The following RIT1 variants were observed in gnomAD, a reference collection of about 807,000 sequenced individuals.
RIT1 encodes GTP-binding protein Rit1.
RIT1 carries 6 observed loss-of-function variants against 25.6 expected under a neutral mutation model. That is an observed-to-expected ratio of 0.23 (90% CI 0.13 to 0.46). The LOEUF (loss-of-function observed/expected upper bound fraction) is 0.46. Ranked by LOEUF, RIT1 falls within the 20% of genes least tolerant of loss-of-function variation. RIT1 has a pLI of 0.99. For synonymous variants in RIT1, 81 were observed against 94.1 expected, an observed-to-expected ratio of 0.86 and a Z score of 0.80; for missense variants, 219 against 284.4, an observed-to-expected ratio of 0.77 and a Z score of 1.65.
At chr1:155,902,361 CAAAA>C (rs199556134) in intron 5 of RIT1, among the ~76,000 whole-genome samples, 1 of 137,862 alleles carries the variant, frequency 7.3e-6, no homozygotes, top group African/African-American at 2.7e-5. Context: ...GCTTTTATAT[CAAAA>C]AAAAAAAAAA....
chr1:155,908,405 A>G (rs1673500394), intron 3 of RIT1, among the ~76,000 whole-genome samples: 1 of 151,788 alleles, frequency 6.6e-6, no homozygotes, highest in African/African-American at 2.4e-5. Flanking sequence ...CAGTGAGCCA[A>G]GACGGCGCCA....
intron 3 of RIT1, among the ~76,000 whole-genome samples, chr1:155,909,356 C>A (rs1673531243): frequency 6.7e-6 from 1 of 149,400 alleles, no homozygotes; most frequent in Non-Finnish European, 1.5e-5. Context: ...CCAGCCCGGG[C>A]AACAGGGTGA....
At chr1:155,906,004 T>A (rs1165447719) in intron 3 of RIT1, among the ~76,000 whole-genome samples, 3 of 152,118 alleles carry the variant, frequency 2.0e-5, no homozygotes, top group African/African-American at 4.8e-5. Flanking sequence ...AATTTTTGTA[T>A]TTTTAGTATA....
rs112505242 is a variant in RIT1, at chr1:155,906,697, T to C, written c.164-1893A>G. Among the ~76,000 whole-genome samples, 1,104 of 143,502 alleles carry C rather than the reference T, an allele frequency of 7.7e-3. 6 individuals carry two copies. The highest frequency in any genetic ancestry group is 0.012 in the Non-Finnish European group (813 of 66,872). 94.1% of individuals were successfully genotyped at this position (143,502 alleles called of 152,430 possible). On this transcript the variant is annotated intron_variant, in intron 3 of 5. Transcript: ENST00000368323. ...AATCGCTTGAACTGGGAGGTGGAGG[T>C]TGCAGTGAGCCAAGATTGTGCCACT...
At chr1:155,902,767 G>T (rs1238294889) in intron 5 of RIT1, among the ~76,000 whole-genome samples, 1 of 151,434 alleles carries the variant, frequency 6.6e-6, no homozygotes, top group African/African-American at 2.4e-5. Context: ...CTTGAACTCA[G>T]GAGTCAGAGA....
In RIT1 at chr1:155,898,446, G is replaced by C. The variant is rs541548421; in HGVS notation, c.*1942C>G. 7.5e-6 allele frequency: 1 copy of C among 133,708 alleles called. No individual in the cohort carries two copies. 8.3% of individuals were successfully genotyped at this position (133,708 alleles called of 1,614,324 possible). On this transcript the variant is annotated 3_prime_UTR_variant, in exon 6 of 6. Transcript: ENST00000368323. Reference sequence around the variant, plus strand: ...TATTGGGAGGATTGCTTGAGCCTAGGAGTTCGAGATCAGCCTGGGCAACAT... The same window carrying C: ...TATTGGGAGGATTGCTTGAGCCTAGCAGTTCGAGATCAGCCTGGGCAACAT...
At chr1:155,906,149 A>G (rs542195615) in intron 3 of RIT1, among the ~76,000 whole-genome samples, 14 of 152,296 alleles carry the variant, frequency 9.2e-5, no homozygotes, top group African/African-American at 2.2e-4. Flanking sequence ...TTTTCTAAAT[A>G]ATCCACAGTT....
Position 155,899,906 on chromosome 1 carries a change from A to C in RIT1, c.*482T>G, listed in dbSNP as rs1378651119. On this transcript the variant is annotated 3_prime_UTR_variant, in exon 6 of 6. Transcript: ENST00000368323. Reference sequence around the variant, plus strand: ...GTCAGCCTCACAGGTATCTGCTGAAATTTGGCACTGATCTCATTAGCCCCA... The same window carrying C: ...GTCAGCCTCACAGGTATCTGCTGAACTTTGGCACTGATCTCATTAGCCCCA... 1 of 220,180 alleles carries C rather than the reference A, an allele frequency of 4.5e-6. No individual in the cohort carries two copies. Among genetic ancestry groups the C allele is most frequent in the Non-Finnish European group, 9.2e-6 (1 of 109,256 alleles). 13.6% of individuals were successfully genotyped at this position (220,180 alleles called of 1,614,324 possible). A position where few individuals can be genotyped will look rare whatever the true frequency, so the allele number is the denominator to read the frequency against.
chr1:155,910,948 G>A (rs1249502602), intron 1 of RIT1, 144 bp from the exon 2 acceptor site: 3 of 1,472,352 alleles, frequency 2.0e-6, no homozygotes, highest in East Asian at 2.7e-5. Flanking sequence ...GCACCCTTTC[G>A]GGTGGCCCTA....
At position 155,900,498 on chromosome 1, in the gene RIT1, T is replaced by G. The variant is rs1453467370; in HGVS notation, c.550A>C (p.Arg184=). ...GCCAGTACTGCCTCCTTTTCTTTCC[T>G]ACGTATCTCCCGTACAAGGGCATGG... ...VFHALVREIR[R]KEKEAVLAME... is the part of the protein sequence containing the mutation. The change falls in exon 6 of 6, where the codon AGG becomes CGG. Residue 184 remains arginine, a synonymous_variant. Transcript: ENST00000368323. 6.2e-7 allele frequency: 1 copy of G among 1,614,048 alleles called. No individual in the cohort carries two copies. Among genetic ancestry groups the G allele is most frequent in the African/African-American group, 1.3e-5 (1 of 74,932 alleles).
chr1:155,905,531 T>C (rs1464752844), intron 3 of RIT1, among the ~76,000 whole-genome samples: 1 of 151,960 alleles, frequency 6.6e-6, no homozygotes, highest in Non-Finnish European at 1.5e-5. Context: ...AAAAAAAAAT[T>C]AGGCCTGAAA....
In RIT1 at chr1:155,906,124, C is replaced by T. The variant is rs139551600; in HGVS notation, c.164-1320G>A. Among the ~76,000 whole-genome samples the T allele has an allele frequency of 1.7e-3, 257 of 152,004 alleles. No homozygotes were observed. The Middle Eastern group carries it at 0.024, about 14-fold the overall frequency. Reference sequence around the variant, plus strand: ...GATTACAGGCGTGAGCCACTGCACCCGGTCTAACTGACTATTTTCTAAATA... The same window carrying T: ...GATTACAGGCGTGAGCCACTGCACCTGGTCTAACTGACTATTTTCTAAATA... On this transcript the variant is annotated intron_variant, in intron 3 of 5. Coordinates refer to ENST00000368323, the MANE Select transcript of RIT1 (RefSeq NM_006912.6).
chr1:155,907,535 C>T (rs188229331), intron 3 of RIT1, among the ~76,000 whole-genome samples: 14 of 152,266 alleles, frequency 9.2e-5, no homozygotes, highest in Non-Finnish European at 1.5e-4. Context: ...GGATTACAGG[C>T]GTAAGCCTCC....
chr1:155,902,199 G>A (rs959155688), intron 5 of RIT1, among the ~76,000 whole-genome samples: 22 of 151,952 alleles, frequency 1.4e-4, no homozygotes, highest in Admixed American at 6.6e-5. Flanking sequence ...GTTTTTAGCC[G>A]GAAAGGATTC....
At chr1:155,909,326 CGA>C (rs1673530053) in intron 3 of RIT1, among the ~76,000 whole-genome samples, 1 of 150,948 alleles carries the variant, frequency 6.6e-6, no homozygotes, top group African/African-American at 2.4e-5. Context: ...TGTAGTGAGC[CGA>C]GATTGTGCCA....
At position 155,899,849 on chromosome 1, in the gene RIT1, C is replaced by A; in HGVS notation, c.*539G>T. The A allele has an allele frequency of 4.7e-6, 1 of 214,514 alleles. No homozygotes were observed. 13.3% of individuals were successfully genotyped at this position (214,514 alleles called of 1,614,324 possible). A position where few individuals can be genotyped will look rare whatever the true frequency, so the allele number is the denominator to read the frequency against. On this transcript the variant is annotated 3_prime_UTR_variant, in exon 6 of 6. Transcript: ENST00000368323. ...CTGCAAACATATAGCCCAACTTTCC[C>A]AAATCTCACCACTCCATAGTCTGCA... is the stretch of plus-strand genomic sequence containing the variant.
At chr1:155,908,301 A>G (rs1673497252) in intron 3 of RIT1, among the ~76,000 whole-genome samples, 1 of 151,520 alleles carries the variant, frequency 6.6e-6, no homozygotes. Flanking sequence ...TAAAGGTACA[A>G]AAAATTAGCC....
rs1255509439 is a variant in RIT1 at position 155,899,188 on chromosome 1, TG to T, written c.*1199del. ...CCTAAACTATGCACAGGGAGCAAAG[TG>T]GTATTCCCTTAGGATAAACTTGGTC... On this transcript the variant is annotated 3_prime_UTR_variant, in exon 6 of 6. Coordinates refer to ENST00000368323, the MANE Select transcript of RIT1 (RefSeq NM_006912.6). 1 of 208,702 alleles carries T rather than the reference TG, an allele frequency of 4.8e-6. No individual in the cohort carries two copies. The highest frequency in any genetic ancestry group is 7.2e-5 in the East Asian group (1 of 13,796). 12.9% of individuals were successfully genotyped at this position (208,702 alleles called of 1,614,324 possible).
Position 155,902,064 on chromosome 1 carries a change from C to T in RIT1, c.430-1446G>A, listed in dbSNP as rs538823235. Among the ~76,000 whole-genome samples, 5 of 152,266 alleles carry T rather than the reference C, an allele frequency of 3.3e-5. No individual in the cohort carries two copies. The East Asian group carries it at 9.6e-4, about 29-fold the overall frequency. On this transcript the variant is annotated intron_variant, in intron 5 of 5. Transcript: ENST00000368323. The stretch of plus-strand genomic sequence containing the variant: ...AGCTTGGACTGTTTGGAGTTGTTGC[C>T]TTACTTTTTAATATGTATTTATAAA...
Sources: allele counts gnomAD v4.1 joint callset (sites outside exome capture counted in the v4.1 genomes callset), GRCh38; gene constraint gnomAD v4.1.1; transcripts MANE v1.5; gene names NCBI Gene and HGNC (gene_info 2026-07-23, HGNC 2026-07-21).